SHQ1: variants seen among roughly 807,000 people sequenced by gnomAD.
The protein encoded by SHQ1 is SHQ1, H/ACA ribonucleoprotein assembly factor, also known as protein SHQ1 homolog.
Under a neutral mutation model 53.8 loss-of-function variants are expected in SHQ1, and 49 were observed. The observed-to-expected ratio is 0.91, with a 90% confidence interval of 0.72 to 1.16. The LOEUF (loss-of-function observed/expected upper bound fraction) is 1.16, where lower values mean the gene tolerates loss of function less well. Among genes scored for constraint, SHQ1 ranks in the 50% most tolerant of loss-of-function variants. The pLI, the probability that SHQ1 is intolerant of heterozygous loss-of-function variation, is 0.00. For synonymous variants in SHQ1, 243 were observed against 251.0 expected (o/e 0.97, Z 0.30); for missense variants, 738 against 683.1 (o/e 1.08, Z -0.90).
chr3:72,751,311 AG>A (rs1017449943), intron 10 of SHQ1, among the ~76,000 whole-genome samples: 2 of 151,658 alleles, frequency 1.3e-5, no homozygotes, highest in Non-Finnish European at 1.5e-5. Flanking sequence ...ACTTGGGTGG[AG>A]GGGGGGCTGA....
intron 1 of SHQ1, among the ~76,000 whole-genome samples, chr3:72,845,647 T>C (rs1708305894): frequency 6.6e-6 from 1 of 152,230 alleles, no homozygotes; most frequent in South Asian, 2.1e-4. Context: ...TCATGTTGCC[T>C]AGATAATTTA....
intron 10 of SHQ1, among the ~76,000 whole-genome samples, chr3:72,766,038 C>G (rs1401674336): frequency 6.6e-6 from 1 of 152,136 alleles, no homozygotes; most frequent in African/African-American, 2.4e-5. Flanking sequence ...ACACAGAACT[C>G]AAAAGGTAGC....
chr3:72,847,646 G>A (rs1222052440), intron 1 of SHQ1, among the ~76,000 whole-genome samples: 1 of 152,242 alleles, frequency 6.6e-6, no homozygotes, highest in South Asian at 2.1e-4. Flanking sequence ...AAACCAAACA[G>A]AAGAGCAGCA....
intron 10 of SHQ1, among the ~76,000 whole-genome samples, chr3:72,763,062 C>CACACACACACTG (rs1315245242): frequency 2.6e-5 from 2 of 76,200 alleles, no homozygotes; most frequent in African/African-American, 7.8e-5. Context: ...CACACACACA[C>CACACACACACTG]AGAGAGAGAG....
the SHQ1 span, among the ~76,000 whole-genome samples, chr3:72,740,393 T>G: frequency 6.6e-6 from 1 of 152,202 alleles, no homozygotes; most frequent in Non-Finnish European, 1.5e-5. Flanking sequence ...CAAATTGGGA[T>G]GAATTCAGCA....
chr3:72,754,935 T>C (rs1705468289), intron 10 of SHQ1, among the ~76,000 whole-genome samples: 1 of 152,226 alleles, frequency 6.6e-6, no homozygotes, highest in Non-Finnish European at 1.5e-5. Context: ...AATTCTCAAG[T>C]TGATATTATT....
At chr3:72,739,094 C>A in the SHQ1 span, among the ~76,000 whole-genome samples, 1 of 152,242 alleles carries the variant, frequency 6.6e-6, no homozygotes, top group Non-Finnish European at 1.5e-5. Context: ...GGAGCAGGGG[C>A]AACGCGGGGC....
At chr3:72,730,133 T>G in the SHQ1 span, among the ~76,000 whole-genome samples, 4 of 152,188 alleles carry the variant, frequency 2.6e-5, no homozygotes, top group Non-Finnish European at 5.9e-5. Context: ...TTTTATTTTT[T>G]TAGAGACAGG....
downstream of SHQ1, among the ~76,000 whole-genome samples, chr3:72,746,226 C>T (rs1044970192): frequency 2.6e-5 from 4 of 152,198 alleles, no homozygotes; most frequent in African/African-American, 9.7e-5. Flanking sequence ...GAATTGGAGG[C>T]TGCCTCTTGT....
chr3:72,733,883 G>A, the SHQ1 span, among the ~76,000 whole-genome samples: 1 of 151,562 alleles, frequency 6.6e-6, no homozygotes, highest in Admixed American at 6.6e-5. Context: ...TCTGCAAAAT[G>A]GGATTGATAG....
At chr3:72,771,497 T>C (rs954180316) in intron 10 of SHQ1, among the ~76,000 whole-genome samples, 5 of 152,300 alleles carry the variant, frequency 3.3e-5, no homozygotes, top group African/African-American at 1.2e-4. Context: ...ACTAAGAATA[T>C]AGTGAGTTAA....
intron 2 of SHQ1, among the ~76,000 whole-genome samples, chr3:72,843,039 T>C (rs972761307): frequency 6.7e-6 from 1 of 150,054 alleles, no homozygotes; most frequent in Non-Finnish European, 1.5e-5. Context: ...ATCGCGCCAC[T>C]GCACTCCAGC....
chr3:72,812,707 T>C lies in SHQ1; in HGVS notation c.1024A>G (p.Lys342Glu), dbSNP rs746308606. 1 of 1,614,114 alleles carries C rather than the reference T, an allele frequency of 6.2e-7. No individual in the cohort carries two copies. The highest frequency in any genetic ancestry group is 8.5e-7 in the Non-Finnish European group (1 of 1,179,980). The change falls in exon 9 of 11, where the codon AAG becomes GAG. Residue 342 changes from lysine (K) to glutamate (E), a missense_variant. Transcript: ENST00000325599. ...PLYRHFKLVM[K>E]AYRDTIKILQ... Reference sequence around the variant, plus strand: ...ATCTTTATAGTGTCCCTGTAGGCCTTCATCACCAGCTTGAAATGGCGATAG... The same window carrying C: ...ATCTTTATAGTGTCCCTGTAGGCCTCCATCACCAGCTTGAAATGGCGATAG...
intron 1 of SHQ1, chr3:72,846,415 C>A (rs1708330712): frequency 3.9e-6 from 4 of 1,025,140 alleles, no homozygotes; most frequent in Non-Finnish European, 5.6e-6. Flanking sequence ...TCACCTCAAG[C>A]TTCCCAAGTA....
At chr3:72,846,174 A>T (rs773368947) in intron 1 of SHQ1, 1 of 1,521,586 alleles carries the variant, frequency 6.6e-7, no homozygotes, top group South Asian at 1.2e-5. Flanking sequence ...CTATAAGCCT[A>T]GAGTTAAATT....
chr3:72,795,990 C>T (rs764649961), intron 9 of SHQ1, among the ~76,000 whole-genome samples: 1 of 150,950 alleles, frequency 6.6e-6, no homozygotes, highest in Non-Finnish European at 1.5e-5. Context: ...GTAGTCCCAG[C>T]TACTCGGGAG....
chr3:72,782,649 T>G (rs1706102812), intron 10 of SHQ1, among the ~76,000 whole-genome samples: 1 of 152,244 alleles, frequency 6.6e-6, no homozygotes, highest in Non-Finnish European at 1.5e-5. Context: ...CAACTCCCTG[T>G]TGGCTTCAGC....
At position 72,750,011 on chromosome 3, in the gene SHQ1, C is replaced by A; in HGVS notation, c.*273G>T. The A allele has an allele frequency of 2.4e-6, 1 of 420,152 alleles. No individual in the cohort carries two copies. Among genetic ancestry groups the A allele is most frequent in the Non-Finnish European group, 4.2e-6 (1 of 235,338 alleles). The allele number at this position is 420,152 out of a possible 1,614,324, so 26.0% of individuals were successfully genotyped here. On this transcript the variant is annotated 3_prime_UTR_variant, in exon 11 of 11. Coordinates refer to ENST00000325599, the MANE Select transcript of SHQ1 (RefSeq NM_018130.3). ...ATCATCACTAGATTACTTATATTAC[C>A]CAATACAATGTAAATGCTGTGGAAA...
intron 10 of SHQ1, among the ~76,000 whole-genome samples, chr3:72,765,399 T>C (rs2106726863): frequency 6.6e-6 from 1 of 150,482 alleles, no homozygotes; most frequent in African/African-American, 2.5e-5. Flanking sequence ...ACTGAAACAG[T>C]GCATCAGGGC....
Sources: gnomAD v4.1 joint callset for allele counts (sites outside exome capture counted in the v4.1 genomes callset) on GRCh38, gnomAD v4.1.1 for gene constraint, MANE v1.5 for transcripts, NCBI Gene and HGNC (gene_info 2026-07-23, HGNC 2026-07-21) for gene names.